Variants in SPAG16 observed in about 807,000 individuals in gnomAD.
SPAG16 encodes sperm associated antigen 16, also known as sperm-associated antigen 16 protein.
Under a neutral mutation model 80.4 loss-of-function variants are expected in SPAG16, and 86 were observed. The ratio of observed to expected loss-of-function variants is 1.07; its 90% CI spans 0.90 to 1.28. SPAG16 has a LOEUF of 1.28. SPAG16 is among the 50% of genes most tolerant of loss of function. SPAG16 has a pLI of 0.00. For missense variants in SPAG16, 870 were observed against 765.3 expected, an observed-to-expected ratio of 1.14 and a Z score of -1.61; for synonymous variants, 294 against 265.9, an observed-to-expected ratio of 1.11 and a Z score of -1.03.
intron 11 of SPAG16, among the ~76,000 whole-genome samples, chr2:213,879,330 T>G (rs7426198): frequency 0.35 from 52,868 of 150,956 alleles, 9,688 homozygotes; most frequent in East Asian, 0.49. Flanking sequence ...TTCATCGGTG[T>G]TTTGTAGTTT....
At chr2:214,179,986 T>C (rs2057259808) in intron 15 of SPAG16, among the ~76,000 whole-genome samples, 1 of 151,546 alleles carries the variant, frequency 6.6e-6, no homozygotes, top group African/African-American at 2.4e-5. Flanking sequence ...GAAAAGACTG[T>C]CAATTTTATA....
At chr2:214,114,862 A>G (rs565344441) in intron 14 of SPAG16, among the ~76,000 whole-genome samples, 317 of 152,296 alleles carry the variant, frequency 2.1e-3, no homozygotes, top group Non-Finnish European at 3.7e-3. Context: ...TCAGTTGGAA[A>G]TGCAGAAATC....
chr2:213,844,697 T>G (rs1197444865), intron 10 of SPAG16, among the ~76,000 whole-genome samples: 5 of 152,212 alleles, frequency 3.3e-5, no homozygotes, highest in African/African-American at 1.2e-4. Flanking sequence ...GAGCATAAAT[T>G]TTTTTAAATT....
chr2:213,392,302 G>A (rs1230109857), intron 9 of SPAG16, among the ~76,000 whole-genome samples: 1 of 152,064 alleles, frequency 6.6e-6, no homozygotes, highest in African/African-American at 2.4e-5. Context: ...ATGTTTCTTT[G>A]CAGCTATTAT....
chr2:213,686,061 C>T lies in SPAG16; in HGVS notation c.1071-176424C>T, dbSNP rs573079676. ...AGTTAACATCCAATCATCTCATATC[C>T]AATAATCCAATAATTAATGTCTAAA... is the stretch of plus-strand genomic sequence containing the variant. On this transcript the variant is annotated intron_variant, in intron 10 of 15. Transcript: ENST00000331683. 3.3e-5 allele frequency among the ~76,000 whole-genome samples: 5 copies of T among 152,164 alleles called. No individual in the cohort carries two copies. In the East Asian group the frequency reaches 5.8e-4, roughly 18 times the overall value.
chr2:213,877,886 A>G (rs543941958), intron 11 of SPAG16, among the ~76,000 whole-genome samples: 1 of 152,208 alleles, frequency 6.6e-6, no homozygotes, highest in South Asian at 2.1e-4. Flanking sequence ...GGATTTTATC[A>G]TGTTACATTC....
chr2:214,307,146 T>C (rs1559199562), intron 15 of SPAG16, among the ~76,000 whole-genome samples: 3 of 152,226 alleles, frequency 2.0e-5, no homozygotes, highest in Non-Finnish European at 4.4e-5. Context: ...TATCCATTTC[T>C]TCTACATTTT....
At chr2:214,034,162 C>A (rs1330921787) in intron 13 of SPAG16, among the ~76,000 whole-genome samples, 1 of 152,148 alleles carries the variant, frequency 6.6e-6, no homozygotes, top group Non-Finnish European at 1.5e-5. Flanking sequence ...ATAGAAATAC[C>A]TCAGAAGTGA....
chr2:213,469,596 T>TG (rs60275602), intron 9 of SPAG16, among the ~76,000 whole-genome samples: 1 of 144,700 alleles, frequency 6.9e-6, no homozygotes, highest in African/African-American at 2.8e-5. Flanking sequence ...TTTTTTTTTT[T>TG]CCTGGTGGAA....
At position 214,024,965 on chromosome 2, in the gene SPAG16, T is replaced by A. The variant is rs181734809; in HGVS notation, c.1527+10888T>A. Among the ~76,000 whole-genome samples, 72 of 151,648 alleles carry A rather than the reference T, an allele frequency of 4.7e-4. 1 individual carries two copies. In the South Asian group the frequency reaches 8.5e-3, roughly 18 times the overall value. On this transcript the variant is annotated intron_variant, in intron 13 of 15. Coordinates refer to ENST00000331683, the MANE Select transcript of SPAG16 (RefSeq NM_024532.5). ...TTACAGATTCTGAAGTCAGATAGATTAGAGTCTTGAGTCCAAGATTTTTTA... is the reference window on the plus strand; with the variant it reads ...TTACAGATTCTGAAGTCAGATAGATAAGAGTCTTGAGTCCAAGATTTTTTA...
chr2:213,406,515 G>A (rs1464988595), intron 9 of SPAG16, among the ~76,000 whole-genome samples: 2 of 152,136 alleles, frequency 1.3e-5, no homozygotes, highest in African/African-American at 4.8e-5. Context: ...ATGAAATAAT[G>A]TTATGAACCA....
intron 10 of SPAG16, among the ~76,000 whole-genome samples, chr2:213,504,591 A>G (rs2074884057): frequency 6.6e-6 from 1 of 152,178 alleles, no homozygotes; most frequent in Non-Finnish European, 1.5e-5. Flanking sequence ...GAGACTAAAG[A>G]TAAAAGAAGT....
chr2:213,934,327 G>A (rs1289116536), intron 12 of SPAG16, among the ~76,000 whole-genome samples: 1 of 152,182 alleles, frequency 6.6e-6, no homozygotes, highest in African/African-American at 2.4e-5. Context: ...GGTGGTGATG[G>A]TGGTGGGAAG....
chr2:214,267,623 C>T (rs567005971), intron 15 of SPAG16, among the ~76,000 whole-genome samples: 2 of 151,802 alleles, frequency 1.3e-5, no homozygotes, highest in South Asian at 4.1e-4. Context: ...CTCAAAAGCA[C>T]AAGCACCAAG....
chr2:213,289,141 T>A (rs2062171249), intron 1 of SPAG16, among the ~76,000 whole-genome samples: 1 of 152,214 alleles, frequency 6.6e-6, no homozygotes, highest in Non-Finnish European at 1.5e-5. Flanking sequence ...TCTGCATTGC[T>A]AAGAAGCTTC....
In SPAG16 at chr2:213,340,193, G is replaced by T; in HGVS notation, c.567G>T (p.Gln189His). The change falls in exon 6 of 16, where the codon CAG becomes CAT. Residue 189 changes from glutamine (Q) to histidine (H), a missense_variant. Physicochemically the swap from Gln to His is conservative, Grantham distance 24 (BLOSUM62 0). Coordinates refer to ENST00000331683, the MANE Select transcript of SPAG16 (RefSeq NM_024532.5). ...DKAREDLLKIQKERDFHRMHH... is the reference protein window; with the variant it reads ...DKAREDLLKIHKERDFHRMHH... ...CTAGAGAAGATTTGCTGAAAATTCAGAAAGAACGTGATTTTCATCGAATGC... is the reference window on the plus strand; with the variant it reads ...CTAGAGAAGATTTGCTGAAAATTCATAAAGAACGTGATTTTCATCGAATGC... 6.2e-7 allele frequency: 1 copy of T among 1,610,840 alleles called. No homozygotes were observed. Among genetic ancestry groups the T allele is most frequent in the Non-Finnish European group, 8.5e-7 (1 of 1,178,876 alleles).
chr2:213,331,319 G>T (rs2064096118), intron 5 of SPAG16, among the ~76,000 whole-genome samples: 1 of 152,178 alleles, frequency 6.6e-6, no homozygotes, highest in Non-Finnish European at 1.5e-5. Flanking sequence ...GGAAGAACCT[G>T]ATCTTGGCAG....
intron 10 of SPAG16, among the ~76,000 whole-genome samples, chr2:213,579,675 A>G (rs943507816): frequency 1.7e-4 from 26 of 152,054 alleles, no homozygotes; most frequent in African/African-American, 6.0e-4. Flanking sequence ...TGTATAATCA[A>G]TTTCGATGTC....
chr2:213,865,923 TTA>T (rs1253149674), intron 11 of SPAG16, among the ~76,000 whole-genome samples: 2 of 144,922 alleles, frequency 1.4e-5, no homozygotes, highest in African/African-American at 2.6e-5. Context: ...GAAACTTATA[TTA>T]TATATATATA....
Sources: allele counts gnomAD v4.1 joint callset (sites outside exome capture counted in the v4.1 genomes callset), GRCh38; gene constraint gnomAD v4.1.1; transcripts MANE v1.5; gene names NCBI Gene and HGNC (gene_info 2026-07-23, HGNC 2026-07-21).